Variants in INTS4 observed in about 807,000 individuals in gnomAD.
INTS4 encodes the protein MSTP093.
INTS4 carries 70 observed loss-of-function variants against 119.5 expected under a neutral mutation model. That is an observed-to-expected ratio of 0.59 (90% CI 0.48 to 0.71). The LOEUF (loss-of-function observed/expected upper bound fraction) is 0.71, where lower values mean the gene tolerates loss of function less well. Among genes scored for constraint, INTS4 ranks in the 30% least tolerant of loss-of-function variants. The pLI is 0.00. For synonymous variants in INTS4, 316 were observed against 419.6 expected (o/e 0.75, Z 3.02); for missense variants, 867 against 1,173.2 (o/e 0.74, Z 3.81).
At chr11:77,929,208 T>A (rs1213295741) in intron 10 of INTS4, among the ~76,000 whole-genome samples, 2 of 152,152 alleles carry the variant, frequency 1.3e-5, no homozygotes, top group East Asian at 3.9e-4. Flanking sequence ...GTAACTCATA[T>A]CAAATTAAGA....
At chr11:77,912,377 A>AC (rs61686563) in intron 15 of INTS4, among the ~76,000 whole-genome samples, 1 of 151,850 alleles carries the variant, frequency 6.6e-6, no homozygotes, top group Non-Finnish European at 1.5e-5. Context: ...AAAAAAAAAA[A>AC]CAGCTGGATA....
intron 15 of INTS4, chr11:77,910,912 C>T: frequency 2.2e-6 from 2 of 915,276 alleles, no homozygotes; most frequent in Non-Finnish European, 3.1e-6. Flanking sequence ...AGAAAGCTGC[C>T]TCATTACTTT....
intron 11 of INTS4, among the ~76,000 whole-genome samples, chr11:77,925,622 G>T (rs1364814242): frequency 2.6e-5 from 4 of 152,168 alleles, no homozygotes; most frequent in African/African-American, 9.7e-5. Flanking sequence ...GAGGCAAATC[G>T]AAATGTCACT....
chr11:77,981,760 TTTA>T (rs1856235931), intron 2 of INTS4, among the ~76,000 whole-genome samples, 184 bp from the exon 3 acceptor site: 1 of 151,460 alleles, frequency 6.6e-6, no homozygotes, highest in Non-Finnish European at 1.5e-5. Context: ...TATTTATTTA[TTTA>T]TTTATTTATT....
At position 77,963,368 on chromosome 11, in the gene INTS4, A is replaced by AAAAAAAC. The variant is rs1565276458; in HGVS notation, c.472-2237_472-2231dup. On this transcript the variant is annotated intron_variant, in intron 4 of 22. Transcript: ENST00000534064. ...ACTCCGTCTCAAAAAAAAAAAAAAA[A>AAAAAAAC]AAAAAACAAAAAAAACTGCTTTTCT... is the stretch of plus-strand genomic sequence containing the variant. The AAAAAAAC allele has an allele frequency of 2.4e-3, 884 of 373,878 alleles. 2 individuals are homozygous for AAAAAAAC. The highest frequency in any genetic ancestry group is 5.5e-3 in the East Asian group (65 of 11,770). The allele number at this position is 373,878 out of a possible 1,614,324, so 23.2% of individuals were successfully genotyped here. A position where few individuals can be genotyped will look rare whatever the true frequency, so the allele number is the denominator to read the frequency against.
chr11:77,983,541 AAAG>A (rs1856327268), intron 2 of INTS4, among the ~76,000 whole-genome samples: 1 of 152,248 alleles, frequency 6.6e-6, no homozygotes, highest in African/African-American at 2.4e-5. Flanking sequence ...ACATTTCTCC[AAAG>A]AAGATATACA....
chr11:77,932,943 C>G (rs1187150347), intron 10 of INTS4, among the ~76,000 whole-genome samples: 1 of 119,156 alleles, frequency 8.4e-6, no homozygotes, highest in African/African-American at 3.3e-5. Context: ...GGGCATCACA[C>G]ACTGGGGCCT....
In INTS4 at chr11:77,907,723, G is replaced by A. The variant is rs1173999634; in HGVS notation, c.2010C>T (p.Leu670=). Residue 670 remains leucine, a synonymous_variant, in exon 16 of 23, where the codon CTC becomes CTT. Coordinates refer to ENST00000534064, the MANE Select transcript of INTS4 (RefSeq NM_033547.4). The stretch of plus-strand genomic sequence containing the variant: ...GGAATGGATGCAAACCAACCTTGAT[G>A]AGAAGTAGTTGACAGCGAAGATAGG... ...SATYLRCQLL[L]IKALQEKLWN... 3 of 1,611,906 alleles carry A rather than the reference G, an allele frequency of 1.9e-6. No individual in the cohort carries two copies. Among genetic ancestry groups the A allele is most frequent in the African/African-American group, 2.7e-5 (2 of 74,992 alleles).
At chr11:77,911,185 A>C in intron 15 of INTS4, 1 of 1,156,464 alleles carries the variant, frequency 8.6e-7, no homozygotes, top group Non-Finnish European at 1.1e-6. Context: ...TTACTCTCAA[A>C]GTGATTGAAG....
chr11:77,910,385 T>C lies in INTS4; in HGVS notation c.1923-2575A>G, dbSNP rs182997554. Among the ~76,000 whole-genome samples, 7 of 145,828 alleles carry C rather than the reference T, an allele frequency of 4.8e-5. No individual in the cohort carries two copies. The East Asian group carries it at 1.0e-3, about 21-fold the overall frequency. On this transcript the variant is annotated intron_variant, in intron 15 of 22. Transcript: ENST00000534064. ...GCCTGTTCTCACTCATAGGTGGGAA[T>C]TGAACAATGAGAACACATGGACACA...
intron 7 of INTS4, among the ~76,000 whole-genome samples, chr11:77,957,365 A>G (rs1180086187): frequency 6.6e-6 from 1 of 152,014 alleles, no homozygotes; most frequent in Non-Finnish European, 1.5e-5. Flanking sequence ...CCTACCCAAC[A>G]TGGCAAAACC....
rs373740400 is a variant in INTS4, at chr11:77,947,366, C to T, written c.919-6115G>A. On this transcript the variant is annotated intron_variant, in intron 8 of 22. Transcript: ENST00000534064. ...CTCTCCAAGGTACATTATAATCAAA[C>T]TATCGAAAGTCAAAGAGTAAGACTT... Among the ~76,000 whole-genome samples the T allele has an allele frequency of 6.6e-5, 10 of 152,286 alleles. No individual in the cohort carries two copies. The South Asian group carries it at 2.1e-3, about 32-fold the overall frequency.
Position 77,895,527 on chromosome 11 carries a change from G to GAA in INTS4, c.2229-1180_2229-1179dup, listed in dbSNP as rs71046921. On this transcript the variant is annotated intron_variant, in intron 18 of 22. Coordinates refer to ENST00000534064, the MANE Select transcript of INTS4 (RefSeq NM_033547.4). Reference sequence around the variant, plus strand: ...CAACATTCATTCTAATTCTTTTCCTGAAAAAAAAAAAAAAAAAAAAAAAAA... The same window carrying GAA: ...CAACATTCATTCTAATTCTTTTCCTGAAAAAAAAAAAAAAAAAAAAAAAAAAA... 1.9e-3 allele frequency among the ~76,000 whole-genome samples: 74 copies of GAA among 39,266 alleles called. 1 individual carries two copies. The highest frequency in any genetic ancestry group is 4.9e-3 in the African/African-American group (52 of 10,690). 25.8% of individuals were successfully genotyped at this position (39,266 alleles called of 152,430 possible).
chr11:77,940,626 TG>T (rs1953907607), intron 9 of INTS4, among the ~76,000 whole-genome samples: 1 of 151,998 alleles, frequency 6.6e-6, no homozygotes, highest in South Asian at 2.1e-4. Flanking sequence ...TGGGGTTTTT[TG>T]GTTGTTGTTT....
intron 4 of INTS4, among the ~76,000 whole-genome samples, chr11:77,976,578 A>C (rs1056841391): frequency 2.0e-5 from 3 of 152,232 alleles, no homozygotes; most frequent in South Asian, 4.1e-4. Flanking sequence ...ATTACTGGGT[A>C]TATACCCAAA....
chr11:77,902,944 C>T (rs1196464516), intron 17 of INTS4, among the ~76,000 whole-genome samples: 1 of 152,284 alleles, frequency 6.6e-6, no homozygotes, highest in African/African-American at 2.4e-5. Context: ...ATGAAAGATT[C>T]ATGATAGTAG....
At chr11:77,899,353 A>T (rs1354289817) in intron 18 of INTS4, among the ~76,000 whole-genome samples, 1 of 152,124 alleles carries the variant, frequency 6.6e-6, no homozygotes, top group Non-Finnish European at 1.5e-5. Flanking sequence ...AAAGAAAAAA[A>T]AGAAAAAAGC....
chr11:77,961,353 A>T (rs1954472008), intron 4 of INTS4, among the ~76,000 whole-genome samples: 1 of 151,988 alleles, frequency 6.6e-6, no homozygotes, highest in African/African-American at 2.4e-5. Context: ...TAAAAGTCCT[A>T]GTTTTTCATC....
At chr11:77,964,145 A>G (rs935893018) in intron 4 of INTS4, among the ~76,000 whole-genome samples, 2 of 152,192 alleles carry the variant, frequency 1.3e-5, no homozygotes, top group African/African-American at 4.8e-5. Context: ...TTCATCTCTC[A>G]AATGAGGATT....
Sources: gnomAD v4.1 joint callset for allele counts (sites outside exome capture counted in the v4.1 genomes callset) on GRCh38, gnomAD v4.1.1 for gene constraint, MANE v1.5 for transcripts, NCBI Gene and HGNC (gene_info 2026-07-23, HGNC 2026-07-21) for gene names.